Variants in SNX8 observed in about 807,000 individuals in gnomAD.
SNX8 encodes sorting nexin 8, also known as sorting nexin-8.
Under a neutral mutation model 51.6 loss-of-function variants are expected in SNX8, and 25 were observed. The observed-to-expected ratio is 0.48, with a 90% CI of 0.35 to 0.68. The LOEUF (loss-of-function observed/expected upper bound fraction) is 0.68, where lower values mean the gene tolerates loss of function less well. SNX8 is among the 30% of genes least tolerant of loss of function. SNX8 has a pLI of 0.00. For missense variants in SNX8, 695 were observed against 624.0 expected (o/e 1.11, Z -1.21); for synonymous variants, 324 against 277.0 (o/e 1.17, Z -1.68).
chr7:2,279,392 G>T (rs952440347), intron 1 of SNX8, among the ~76,000 whole-genome samples: 1 of 152,114 alleles, frequency 6.6e-6, no homozygotes, highest in African/African-American at 2.4e-5. Context: ...TCATGCTACG[G>T]AGTCAACGCT....
intron 1 of SNX8, among the ~76,000 whole-genome samples, chr7:2,309,561 G>A (rs1357149821): frequency 6.6e-5 from 10 of 151,850 alleles, no homozygotes; most frequent in African/African-American, 2.2e-4. Context: ...GAGAAACCCC[G>A]TCTCTACTGA....
chr7:2,323,633 A>T (rs1022432075), intron 1 of SNX8, among the ~76,000 whole-genome samples: 4 of 152,008 alleles, frequency 2.6e-5, no homozygotes, highest in Non-Finnish European at 5.9e-5. Flanking sequence ...CAGAAGTAAG[A>T]CTCATTGCTG....
chr7:2,321,427 CTTTT>C (rs903598248), intron 1 of SNX8, among the ~76,000 whole-genome samples: 2 of 139,520 alleles, frequency 1.4e-5, no homozygotes, highest in African/African-American at 2.6e-5. Flanking sequence ...AATGGAATTT[CTTTT>C]TTTTTTTTTT....
intron 1 of SNX8, among the ~76,000 whole-genome samples, chr7:2,310,147 A>C (rs1478284482): frequency 6.6e-6 from 1 of 152,070 alleles, no homozygotes; most frequent in Non-Finnish European, 1.5e-5. Flanking sequence ...TCCATGTATT[A>C]ATCGATCCCG....
intron 7 of SNX8, among the ~76,000 whole-genome samples, chr7:2,262,587 C>CAGCAA (rs1795363880): frequency 6.6e-6 from 1 of 152,178 alleles, no homozygotes; most frequent in Non-Finnish European, 1.5e-5. Flanking sequence ...TGGACTCAGA[C>CAGCAA]AGCAAAGTGG....
At chr7:2,301,507 C>G (rs912010580) in intron 1 of SNX8, among the ~76,000 whole-genome samples, 4 of 152,216 alleles carry the variant, frequency 2.6e-5, no homozygotes, top group African/African-American at 9.7e-5. Context: ...CAGAACCACC[C>G]CCTTACCAGG....
chr7:2,294,561 A>T (rs1274285582), intron 1 of SNX8, among the ~76,000 whole-genome samples: 1 of 152,218 alleles, frequency 6.6e-6, no homozygotes, highest in Non-Finnish European at 1.5e-5. Flanking sequence ...CAGAGCCAGC[A>T]AGGTGGCTGG....
intron 1 of SNX8, among the ~76,000 whole-genome samples, chr7:2,313,145 C>G (rs991154040): frequency 6.6e-6 from 1 of 151,926 alleles, no homozygotes; most frequent in Non-Finnish European, 1.5e-5. Flanking sequence ...GTGATCCGCC[C>G]GCCTCGGCCT....
At chr7:2,283,517 G>A (rs1212989596) in intron 1 of SNX8, among the ~76,000 whole-genome samples, 2 of 152,222 alleles carry the variant, frequency 1.3e-5, no homozygotes, top group African/African-American at 2.4e-5. Context: ...CCACGAGTGT[G>A]GTTCCTACTG....
In SNX8 at chr7:2,256,922, G is replaced by C. The variant is rs1163704790; in HGVS notation, c.1236C>G (p.Ser412=). The C allele has an allele frequency of 6.2e-7, 1 of 1,613,768 alleles. No individual in the cohort carries two copies. The highest frequency in any genetic ancestry group is 1.7e-5 in the Admixed American group (1 of 60,006). The change falls in exon 10 of 11, where the codon TCC becomes TCG. Residue 412 remains serine (S), a synonymous_variant. Transcript: ENST00000222990. ...AGTTGACGAAGGCGCGGAGGATGTG[G>C]GAGGTGAGGGGCAGGTAGACGTGGA... ...QLIHVYLPLT[S]HILRAFVNSQ... is the part of the protein sequence containing the mutation.
intron 1 of SNX8, among the ~76,000 whole-genome samples, chr7:2,341,489 G>A (rs981160696): frequency 2.1e-4 from 32 of 151,166 alleles, no homozygotes; most frequent in Admixed American, 2.0e-3. Context: ...ACAAGAGCGA[G>A]ACTCCATCTC....
At chr7:2,325,071 A>G (rs1778599333) in intron 1 of SNX8, among the ~76,000 whole-genome samples, 1 of 152,176 alleles carries the variant, frequency 6.6e-6, no homozygotes, top group South Asian at 2.1e-4. Context: ...GTCTCAAGCT[A>G]TCCTCCTGAC....
chr7:2,347,520 G>A (rs980175904), intron 1 of SNX8, among the ~76,000 whole-genome samples: 2 of 148,892 alleles, frequency 1.3e-5, no homozygotes, highest in African/African-American at 4.9e-5. Context: ...AGAGCCTTTG[G>A]CTGAAGGCAG....
intron 1 of SNX8, among the ~76,000 whole-genome samples, chr7:2,326,535 G>A (rs1048938225): frequency 2.0e-5 from 3 of 151,138 alleles, no homozygotes; most frequent in Non-Finnish European, 2.9e-5. Context: ...GCGTGGTGGC[G>A]GGAGTCTGTA....
intron 1 of SNX8, among the ~76,000 whole-genome samples, chr7:2,352,723 C>A (rs1779176414): frequency 6.6e-6 from 1 of 151,996 alleles, no homozygotes; most frequent in African/African-American, 2.4e-5. Context: ...GTATTCCCAG[C>A]TACTTGGGAG....
chr7:2,263,327 C>G lies in SNX8; in HGVS notation c.818G>C (p.Trp273Ser). The G allele has an allele frequency of 6.2e-7, 1 of 1,612,744 alleles. No homozygotes were observed. Among genetic ancestry groups the G allele is most frequent in the Non-Finnish European group, 8.5e-7 (1 of 1,179,524 alleles). Residue 273 changes from tryptophan (W) to serine (S), a missense_variant, in exon 7 of 11, where the codon TGG becomes TCG. Coordinates refer to ENST00000222990, the MANE Select transcript of SNX8 (RefSeq NM_013321.4). Reference protein sequence around the residue: ...IGSDTTPLPSWAALNSSTWGS... With the variant: ...IGSDTTPLPSSAALNSSTWGS... ...CCACGTGCTGCTATTCAGAGCGGCC[C>G]AGGAGGGCAGCGGGGTCGTGTCAGA...
In SNX8 at chr7:2,334,434, G is replaced by A. The variant is rs750311060; in HGVS notation, c.-66+19788C>T. ...AAAAAAGTGCTGGGCACAGTGGCTC[G>A]CGCCTGTAATCCCAACACTTTGGGA... On this transcript the variant is annotated intron_variant, in intron 1 of 5. Coordinates refer to the SNX8 transcript ENST00000435336. Among the ~76,000 whole-genome samples the A allele has an allele frequency of 1.2e-3, 184 of 150,302 alleles. 1 individual carries two copies. The highest frequency in any genetic ancestry group is 4.1e-3 in the African/African-American group (166 of 40,954).
At chr7:2,314,937 C>G (rs115857907), upstream of SNX8, among the ~76,000 whole-genome samples, 1,189 of 151,004 alleles carry the variant, frequency 7.9e-3, 17 homozygotes, top group African/African-American at 0.028. Context: ...CACACTCACT[C>G]ACCGCATCCT....
At chr7:2,336,837 T>A (rs909078568) in intron 1 of SNX8, among the ~76,000 whole-genome samples, 6 of 150,286 alleles carry the variant, frequency 4.0e-5, no homozygotes, top group Non-Finnish European at 8.9e-5. Flanking sequence ...TGAAACCTCA[T>A]CTCTACTAAA....
Sources: gnomAD v4.1 joint callset for allele counts (sites outside exome capture counted in the v4.1 genomes callset) on GRCh38, gnomAD v4.1.1 for gene constraint, MANE v1.5 for transcripts, NCBI Gene and HGNC (gene_info 2026-07-23, HGNC 2026-07-21) for gene names.